Variants in RPSA2 observed in about 807,000 individuals in gnomAD.
RPSA2 encodes ribosomal protein SA 2, also known as small ribosomal subunit protein uS2B.
chr19:23,832,279 A>G, the RPSA2 span: 43 of 452,680 alleles, frequency 9.5e-5, no homozygotes, highest in South Asian at 5.1e-4. Flanking sequence ...GAAACATAAG[A>G]GAATTCATAC....
chr19:23,852,978 C>G, the RPSA2 span, among the ~76,000 whole-genome samples: 2 of 152,124 alleles, frequency 1.3e-5, no homozygotes, highest in Non-Finnish European at 2.9e-5. Flanking sequence ...TGATAACAGT[C>G]AATTCTTTGT....
chr19:23,863,865 C>A, the RPSA2 span, among the ~76,000 whole-genome samples: 4 of 152,140 alleles, frequency 2.6e-5, no homozygotes, highest in East Asian at 7.7e-4. Context: ...TAATACAAAA[C>A]AAACACATGA....
At chr19:23,870,073 C>A in the RPSA2 span, among the ~76,000 whole-genome samples, 2 of 152,146 alleles carry the variant, frequency 1.3e-5, no homozygotes, top group African/African-American at 2.4e-5. Context: ...TCTGTCTGAG[C>A]CTTGTGATGC....
the RPSA2 span, among the ~76,000 whole-genome samples, chr19:23,840,526 A>C: frequency 6.6e-6 from 1 of 152,222 alleles, no homozygotes; most frequent in Non-Finnish European, 1.5e-5. Context: ...TATGAATAAC[A>C]CAATTTTTAA....
chr19:23,855,584 A>G, the RPSA2 span, among the ~76,000 whole-genome samples: 2 of 152,236 alleles, frequency 1.3e-5, no homozygotes, highest in Admixed American at 6.5e-5. Flanking sequence ...AACATGAGAC[A>G]GAGTCAGCAT....
the RPSA2 span, among the ~76,000 whole-genome samples, chr19:23,759,872 TTTGA>T: frequency 1.3e-5 from 2 of 152,066 alleles, no homozygotes; most frequent in Non-Finnish European, 2.9e-5. Flanking sequence ...AAGCAGCCAC[TTTGA>T]TTGAGGAGAA....
chr19:23,862,051 A>C, the RPSA2 span, among the ~76,000 whole-genome samples: 3 of 151,684 alleles, frequency 2.0e-5, no homozygotes, highest in Non-Finnish European at 2.9e-5. Context: ...CTTTTATTTC[A>C]TTGAGCAGTG....
At chr19:23,785,922 G>T in the RPSA2 span, among the ~76,000 whole-genome samples, 1 of 152,090 alleles carries the variant, frequency 6.6e-6, no homozygotes, top group Non-Finnish European at 1.5e-5. Context: ...CATCTCTTGT[G>T]GTACAGTGAG....
chr19:23,832,268 C>T, the RPSA2 span: 99 of 449,506 alleles, frequency 2.2e-4, no homozygotes, highest in African/African-American at 2.0e-3. Flanking sequence ...TCAACCCTTA[C>T]GAAACATAAG....
chr19:23,791,374 T>G, the RPSA2 span, among the ~76,000 whole-genome samples: 1 of 152,206 alleles, frequency 6.6e-6, no homozygotes, highest in African/African-American at 2.4e-5. Flanking sequence ...CAGTTTATAG[T>G]TGGTTAAGCC....
the RPSA2 span, among the ~76,000 whole-genome samples, chr19:23,804,510 T>C: frequency 6.6e-6 from 1 of 151,976 alleles, no homozygotes; most frequent in African/African-American, 2.4e-5. Flanking sequence ...TTAGCCAGGA[T>C]GGTCTCGATC....
chr19:23,759,526 T>TTTTTTTTG, the RPSA2 span, among the ~76,000 whole-genome samples: 1 of 130,728 alleles, frequency 7.6e-6, no homozygotes, highest in Admixed American at 8.0e-5. Flanking sequence ...TATCAGGTTT[T>TTTTTTTTG]TTTTTTTTTT....
the RPSA2 span, among the ~76,000 whole-genome samples, chr19:23,848,239 G>A: frequency 8.5e-5 from 13 of 152,134 alleles, no homozygotes; most frequent in Admixed American, 2.0e-4. Flanking sequence ...CCTCTGCCGT[G>A]GCTCCAGCCG....
chr19:23,767,370 C>T, the RPSA2 span, among the ~76,000 whole-genome samples: 49,297 of 152,122 alleles, frequency 0.32, 8,319 homozygotes, highest in Non-Finnish European at 0.38. Context: ...TGAGCCACCA[C>T]GCCTGGCCTC....
At chr19:23,867,887 A>T in the RPSA2 span, among the ~76,000 whole-genome samples, 124 of 151,590 alleles carry the variant, frequency 8.2e-4, 2 homozygotes, top group Middle Eastern at 7.0e-3. Flanking sequence ...GGTCATTGAT[A>T]CTTTTCCACC....
At chr19:23,778,900 C>T in the RPSA2 span, among the ~76,000 whole-genome samples, 1 of 151,696 alleles carries the variant, frequency 6.6e-6, no homozygotes, top group Non-Finnish European at 1.5e-5. Context: ...TGAGTCCTAC[C>T]CACAGAGGTC....
At chr19:23,834,462 C>T in the RPSA2 span, among the ~76,000 whole-genome samples, 1 of 151,738 alleles carries the variant, frequency 6.6e-6, no homozygotes, top group Non-Finnish European at 1.5e-5. Context: ...ATGTAAGATG[C>T]ATAATGAAAA....
chr19:23,801,923 A>C, the RPSA2 span, among the ~76,000 whole-genome samples: 1 of 152,212 alleles, frequency 6.6e-6, no homozygotes, highest in Non-Finnish European at 1.5e-5. Flanking sequence ...TTTCTAGAGC[A>C]GTCTCTGTGA....
chr19:23,772,093 A>G, the RPSA2 span, among the ~76,000 whole-genome samples: 2 of 152,192 alleles, frequency 1.3e-5, no homozygotes, highest in African/African-American at 2.4e-5. Context: ...GGCTCTGCCC[A>G]CAGGGACATT....
Sources: allele counts gnomAD v4.1 joint callset (sites outside exome capture counted in the v4.1 genomes callset), GRCh38; gene constraint gnomAD v4.1.1; transcripts MANE v1.5; gene names NCBI Gene and HGNC (gene_info 2026-07-23, HGNC 2026-07-21).